Variants in SH3TC1 observed in about 807,000 individuals in gnomAD.
SH3TC1 encodes the protein SH3 domain and tetratricopeptide repeats 1.
Under a neutral mutation model 117.3 loss-of-function variants are expected in SH3TC1, and 135 were observed. The ratio of observed to expected loss-of-function variants is 1.15; its 90% CI spans 1.00 to 1.33. The LOEUF (loss-of-function observed/expected upper bound fraction) is 1.33, where lower values mean the gene tolerates loss of function less well. Ranked by LOEUF, SH3TC1 falls within the 40% of genes most tolerant of loss-of-function variation. The pLI is 0.00. For synonymous variants in SH3TC1, 898 were observed against 816.9 expected (o/e 1.10, Z -1.69); for missense variants, 2,092 against 1,794.3 (o/e 1.17, Z -3.00).
intron 9 of SH3TC1, among the ~76,000 whole-genome samples, chr4:8,220,187 A>G (rs1719770880): frequency 6.6e-6 from 1 of 152,096 alleles, no homozygotes; most frequent in African/African-American, 2.4e-5. Context: ...ACACGATTTA[A>G]TCCAGTACAC....
At chr4:8,208,779 A>G (rs866083322) in intron 2 of SH3TC1, among the ~76,000 whole-genome samples, 1 of 152,240 alleles carries the variant, frequency 6.6e-6, no homozygotes, top group Non-Finnish European at 1.5e-5. Flanking sequence ...GCAGGTGGTC[A>G]GCAAATGCGG....
At chr4:8,215,516 G>A (rs926986393) in intron 5 of SH3TC1, among the ~76,000 whole-genome samples, 3 of 152,166 alleles carry the variant, frequency 2.0e-5, no homozygotes, top group Non-Finnish European at 2.9e-5. Flanking sequence ...CCATCCAGAG[G>A]GCAGCAGGCT....
In SH3TC1 at chr4:8,190,177, G is replaced by T. The variant is rs1409322955; in HGVS notation, c.-57+7967G>T. ...TGGCCCAGTCCAGGTGGGTAGCAGG[G>T]AGTCTGCAGGAATCCCCCTTGGAGC... On this transcript the variant is annotated intron_variant, in intron 1 of 16. Coordinates refer to the SH3TC1 transcript ENST00000508641. This position sits in a 1 kb window ranked among gnomAD's most constrained non-coding sequence, Gnocchi z 4.7. 1.3e-5 allele frequency among the ~76,000 whole-genome samples: 2 copies of T among 152,234 alleles called. No homozygotes were observed. Among genetic ancestry groups the T allele is most frequent in the African/African-American group, 4.8e-5 (2 of 41,466 alleles).
intron 1 of SH3TC1, among the ~76,000 whole-genome samples, chr4:8,185,392 T>C (rs1328359766): frequency 6.6e-6 from 1 of 151,988 alleles, no homozygotes; most frequent in African/African-American, 2.4e-5. Context: ...AAGTTCAATG[T>C]CTTTTGGGAA....
intron 17 of SH3TC1, among the ~76,000 whole-genome samples, chr4:8,238,750 C>T (rs1037134933): frequency 3.3e-5 from 5 of 152,168 alleles, no homozygotes; most frequent in Non-Finnish European, 5.9e-5. Context: ...ACCCAGGGGA[C>T]GGGCCTTCCA....
At position 8,211,800 on chromosome 4, in the gene SH3TC1, C is replaced by A. The variant is rs539174578; in HGVS notation, c.248-901C>A. Among the ~76,000 whole-genome samples, 108 of 152,188 alleles carry A rather than the reference C, an allele frequency of 7.1e-4. 2 individuals carry two copies. Among genetic ancestry groups the A allele is most frequent in the Non-Finnish European group, 1.2e-3 (84 of 68,032 alleles). ...TGGATCTCAGGAGCTCCACAGCCCC[C>A]GTGGCAGGTGGCCCCTGAATGGGAC... On this transcript the variant is annotated intron_variant, in intron 3 of 17. Coordinates refer to ENST00000245105, the MANE Select transcript of SH3TC1 (RefSeq NM_018986.5).
At chr4:8,231,687 G>A (rs1489765367) in intron 12 of SH3TC1, 6 of 433,168 alleles carry the variant, frequency 1.4e-5, no homozygotes, top group African/African-American at 4.0e-5. Flanking sequence ...GGCTGAAGGC[G>A]GCCCTGGTCC....
Position 8,232,671 on chromosome 4 carries a change from G to A in SH3TC1, c.3131+515G>A, listed in dbSNP as rs955193168. On this transcript the variant is annotated intron_variant, in intron 13 of 17. Transcript: ENST00000245105. ...GGCTCTCCTGGAGCATCCTGACCTG[G>A]TGGGGTAACCATGGCCCTGGCCACC... 4 of 1,292,342 alleles carry A rather than the reference G, an allele frequency of 3.1e-6. No individual in the cohort carries two copies. In the African/African-American group the frequency reaches 4.5e-5, roughly 15 times the overall value. 80.1% of individuals were successfully genotyped at this position (1,292,342 alleles called of 1,614,324 possible).
At chr4:8,220,212 C>T (rs1032605549) in intron 9 of SH3TC1, among the ~76,000 whole-genome samples, 7 of 152,166 alleles carry the variant, frequency 4.6e-5, no homozygotes, top group African/African-American at 7.2e-5. Context: ...CGCTCTCCTC[C>T]GTTAAGCCCC....
intron 14 of SH3TC1, among the ~76,000 whole-genome samples, chr4:8,234,143 T>TTCATCCATCCATCCATCCTTCCA (rs1335019847): frequency 7.6e-6 from 1 of 131,458 alleles, no homozygotes; most frequent in Non-Finnish European, 1.8e-5. Context: ...CATTTATCCA[T>TTCATCCATCCATCCATCCTTCCA]TCATCCATCC....
intron 1 of SH3TC1, among the ~76,000 whole-genome samples, chr4:8,184,998 CCT>C (rs979115899): frequency 4.0e-5 from 6 of 151,558 alleles, no homozygotes; most frequent in African/African-American, 1.2e-4. Context: ...CTGGGAGTCC[CCT>C]GTCTGCCTAG....
rs909755304 is a variant in SH3TC1 at position 8,186,077 on chromosome 4, G to A, written c.-57+3867G>A. Among the ~76,000 whole-genome samples the A allele has an allele frequency of 4.6e-5, 7 of 152,156 alleles. No individual in the cohort carries two copies. Among genetic ancestry groups the A allele is most frequent in the Non-Finnish European group, 1.0e-4 (7 of 68,034 alleles). ...CAGGAGCTGTCCGCGCGGGCCCCTC[G>A]CTGTTTTACTGTGGAGTTGTCGATT... On this transcript the variant is annotated intron_variant, in intron 1 of 16. Transcript: ENST00000508641. The surrounding 1 kb of genome is among the most constrained non-coding windows in gnomAD (Gnocchi z 5.2).
At chr4:8,214,868 T>G (rs1394281033) in intron 5 of SH3TC1, among the ~76,000 whole-genome samples, 2 of 152,178 alleles carry the variant, frequency 1.3e-5, no homozygotes, top group Non-Finnish European at 2.9e-5. Flanking sequence ...GTATTTTTAG[T>G]AGAGATGGGG....
At chr4:8,233,578 T>C (rs1721457132) in intron 14 of SH3TC1, 65 bp downstream of exon 14, 4 of 1,490,904 alleles carry the variant, frequency 2.7e-6, no homozygotes, top group African/African-American at 1.4e-5. Flanking sequence ...CATCCGTCCA[T>C]TGATGATGAT....
upstream of SH3TC1, among the ~76,000 whole-genome samples, chr4:8,196,553 A>T (rs1717562180): frequency 6.6e-6 from 1 of 152,136 alleles, no homozygotes; most frequent in African/African-American, 2.4e-5. This position sits in a 1 kb window ranked among gnomAD's most constrained non-coding sequence, Gnocchi z 4.6. Context: ...TTCCACAGGG[A>T]AGCTGCCAGT....
At chr4:8,219,267 G>T (rs1043245067) in intron 8 of SH3TC1, 68 bp from the exon 9 acceptor site, 15 of 1,449,218 alleles carry the variant, frequency 1.0e-5, no homozygotes, top group African/African-American at 1.4e-5. Context: ...GGCTGGCATC[G>T]GCCCTGTCTG....
chr4:8,225,407 C>T lies in SH3TC1; in HGVS notation c.1285+191C>T, dbSNP rs927285985. Among the ~76,000 whole-genome samples the T allele has an allele frequency of 4.6e-5, 7 of 152,110 alleles. No individual in the cohort carries two copies. Among genetic ancestry groups the T allele is most frequent in the Non-Finnish European group, 8.8e-5 (6 of 68,006 alleles). On this transcript the variant is annotated intron_variant, in intron 11 of 17. Transcript: ENST00000245105. The surrounding 1 kb of genome is among the most constrained non-coding windows in gnomAD (Gnocchi z 5.5). ...TCCCGTCCACTGTGGCACTGGAGGC[C>T]GTGGGGTCCCGCACTTCTTCCAATG...
At position 8,235,462 on chromosome 4, in the gene SH3TC1, C is replaced by A; in HGVS notation, c.3312C>A (p.Gly1104=). 1.3e-6 allele frequency: 2 copies of A among 1,594,178 alleles called. No homozygotes were observed. The highest frequency in any genetic ancestry group is 1.7e-6 in the Non-Finnish European group (2 of 1,168,786). The change falls in exon 15 of 18, where the codon GGC becomes GGA. Residue 1104 remains glycine (G), a synonymous_variant. Coordinates refer to ENST00000245105, the MANE Select transcript of SH3TC1 (RefSeq NM_018986.5). ...QVAQNVALYT[G]DPNLGLELFE... ...CACAGAACGTGGCCCTGTACACAGGCGACCCCAACCTGGGGCTGGAGCTGT... is the reference window on the plus strand; with the variant it reads ...CACAGAACGTGGCCCTGTACACAGGAGACCCCAACCTGGGGCTGGAGCTGT...
At chr4:8,240,593 G>T in intron 17 of SH3TC1, 105 bp from the exon 18 acceptor site, 1 of 1,546,014 alleles carries the variant, frequency 6.5e-7, no homozygotes, top group South Asian at 1.2e-5. Context: ...CTCATGGGGT[G>T]AGCCAGCATT....
Sources: allele counts gnomAD v4.1 joint callset (sites outside exome capture counted in the v4.1 genomes callset), GRCh38; gene constraint gnomAD v4.1.1; non-coding constraint Gnocchi (gnomAD v3.1); transcripts MANE v1.5; gene names NCBI Gene and HGNC (gene_info 2026-07-23, HGNC 2026-07-21).